Variants in SLC35D4 observed in about 807,000 individuals in gnomAD.
The protein encoded by SLC35D4 is solute carrier family 35 member D4, also known as UDP-N-acetylglucosamine transporter SLC35D4.
chr18:23,335,782 G>C, the SLC35D4 span, among the ~76,000 whole-genome samples: 1 of 152,138 alleles, frequency 6.6e-6, no homozygotes, highest in African/African-American at 2.4e-5. Flanking sequence ...CCCTAGAGGA[G>C]GCCGTGCAAA....
chr18:23,359,863 A>C, the SLC35D4 span, among the ~76,000 whole-genome samples: 1 of 152,174 alleles, frequency 6.6e-6, no homozygotes, highest in African/African-American at 2.4e-5. Context: ...TAACAGGGGA[A>C]ATTTCCTCTA....
chr18:23,405,240 T>C, the SLC35D4 span, among the ~76,000 whole-genome samples: 2 of 152,028 alleles, frequency 1.3e-5, no homozygotes, highest in Non-Finnish European at 2.9e-5. Context: ...CTGGCTGGAG[T>C]GCAATGGCAC....
At chr18:23,294,839 A>C in the SLC35D4 span, among the ~76,000 whole-genome samples, 1 of 152,184 alleles carries the variant, frequency 6.6e-6, no homozygotes, top group South Asian at 2.1e-4. Flanking sequence ...AACGAAAACA[A>C]ATACAGGCTT....
the SLC35D4 span, among the ~76,000 whole-genome samples, chr18:23,268,035 C>T: frequency 6.6e-6 from 1 of 152,314 alleles, no homozygotes; most frequent in East Asian, 1.9e-4. Context: ...TTCCCAGAGC[C>T]CACATGCTGC....
chr18:23,336,452 C>T, the SLC35D4 span, among the ~76,000 whole-genome samples: 3 of 152,150 alleles, frequency 2.0e-5, no homozygotes, highest in South Asian at 2.1e-4. Context: ...TTGCCATAGC[C>T]GCTGAGACAG....
chr18:23,362,356 T>C, the SLC35D4 span, among the ~76,000 whole-genome samples: 1 of 152,128 alleles, frequency 6.6e-6, no homozygotes, highest in South Asian at 2.1e-4. Context: ...CCCAGCACTT[T>C]GGGAGGCTGA....
At chr18:23,356,691 T>G in the SLC35D4 span, 1 of 1,611,990 alleles carries the variant, frequency 6.2e-7, no homozygotes, top group Non-Finnish European at 8.5e-7. The surrounding 1 kb of genome is among the most constrained non-coding windows in gnomAD (Gnocchi z 4.1). Flanking sequence ...GGTGAAACAG[T>G]GACCCATGAG....
At chr18:23,280,121 A>C in the SLC35D4 span, among the ~76,000 whole-genome samples, 1 of 152,276 alleles carries the variant, frequency 6.6e-6, no homozygotes, top group Non-Finnish European at 1.5e-5. Context: ...ATTTGTGCAC[A>C]GGGCCCAGAG....
At chr18:23,368,373 G>C in the SLC35D4 span, among the ~76,000 whole-genome samples, 1 of 152,230 alleles carries the variant, frequency 6.6e-6, no homozygotes, top group Non-Finnish European at 1.5e-5. Flanking sequence ...GACCCAAGGA[G>C]CCCTGGAATC....
the SLC35D4 span, chr18:23,371,502 G>T: frequency 6.4e-7 from 1 of 1,555,306 alleles, no homozygotes; most frequent in Non-Finnish European, 8.7e-7. Context: ...AGAAAAAATG[G>T]CTATAAGTGC....
At chr18:23,348,341 T>C in the SLC35D4 span, among the ~76,000 whole-genome samples, 1 of 152,352 alleles carries the variant, frequency 6.6e-6, no homozygotes, top group South Asian at 2.1e-4. Context: ...ATGTCAGTTA[T>C]GTCAATTGGT....
chr18:23,437,921 C>CGCAGCAGCAGCAGCGGCAGCG, the SLC35D4 span: 6 of 1,526,318 alleles, frequency 3.9e-6, no homozygotes, highest in East Asian at 2.4e-5. Flanking sequence ...GCCCGACCCC[C>CGCAGCAGCAGCAGCGGCAGCG]GCAGCAGCAG....
At chr18:23,354,140 A>G in the SLC35D4 span, among the ~76,000 whole-genome samples, 15 of 152,244 alleles carry the variant, frequency 9.9e-5, no homozygotes, top group African/African-American at 3.6e-4. Context: ...TCTTCCTGGC[A>G]TTTGGAGGCA....
chr18:23,249,268 T>C, the SLC35D4 span, among the ~76,000 whole-genome samples: 1 of 152,230 alleles, frequency 6.6e-6, no homozygotes, highest in Non-Finnish European at 1.5e-5. Flanking sequence ...CCAGCCTCCG[T>C]AGCACAACAG....
the SLC35D4 span, among the ~76,000 whole-genome samples, chr18:23,401,011 C>T: frequency 6.6e-6 from 1 of 152,182 alleles, no homozygotes; most frequent in Non-Finnish European, 1.5e-5. Context: ...TGAACACTTG[C>T]CACAAACCAA....
the SLC35D4 span, among the ~76,000 whole-genome samples, chr18:23,357,874 T>C: frequency 6.6e-6 from 1 of 152,236 alleles, no homozygotes; most frequent in Admixed American, 6.5e-5. Context: ...TCTTGGGATC[T>C]GGTTTTCATG....
chr18:23,432,733 T>A, the SLC35D4 span, among the ~76,000 whole-genome samples: 1 of 149,932 alleles, frequency 6.7e-6, no homozygotes, highest in African/African-American at 2.5e-5. Flanking sequence ...CATTGACGCC[T>A]GTAATTCCAG....
chr18:23,391,409 G>A, the SLC35D4 span, among the ~76,000 whole-genome samples: 214 of 152,234 alleles, frequency 1.4e-3, 2 homozygotes, highest in Admixed American at 2.7e-3. Context: ...AGACACTGGT[G>A]AGTATTTTGA....
At chr18:23,384,648 T>A in the SLC35D4 span, among the ~76,000 whole-genome samples, 1 of 152,344 alleles carries the variant, frequency 6.6e-6, no homozygotes, top group Admixed American at 6.5e-5. Flanking sequence ...CGCGGCACCC[T>A]GTGTAAAACT....
Sources: allele counts gnomAD v4.1 joint callset (sites outside exome capture counted in the v4.1 genomes callset), GRCh38; gene constraint gnomAD v4.1.1; non-coding constraint Gnocchi (gnomAD v3.1); transcripts MANE v1.5; gene names NCBI Gene and HGNC (gene_info 2026-07-23, HGNC 2026-07-21).